FHIT: variants seen among roughly 807,000 people sequenced by gnomAD.
The protein encoded by FHIT is fragile histidine triad diadenosine triphosphatase, also known as bis(5'-adenosyl)-triphosphatase.
A neutral mutation model predicts 17.9 loss-of-function variants in FHIT; 19 were observed. That is an observed-to-expected ratio of 1.06 (90% CI 0.74 to 1.56). The LOEUF (loss-of-function observed/expected upper bound fraction) is 1.56. Ranked by LOEUF, FHIT falls within the 40% of genes most tolerant of loss-of-function variation. The probability of loss-of-function intolerance (pLI) is 0.00; values close to 1 mark genes in which losing one functional copy is unlikely to be tolerated. For missense variants in FHIT, 248 were observed against 189.2 expected, an observed-to-expected ratio of 1.31 and a Z score of -1.82; for synonymous variants, 81 against 69.7, an observed-to-expected ratio of 1.16 and a Z score of -0.81.
chr3:60,078,770 C>A (rs1703144942), intron 5 of FHIT, among the ~76,000 whole-genome samples: 1 of 152,012 alleles, frequency 6.6e-6, no homozygotes, highest in Admixed American at 6.6e-5. Flanking sequence ...TACATTTATA[C>A]ACATATAACA....
At chr3:60,398,826 T>A (rs1184817689) in intron 5 of FHIT, among the ~76,000 whole-genome samples, 1 of 152,056 alleles carries the variant, frequency 6.6e-6, no homozygotes, top group Non-Finnish European at 1.5e-5. Context: ...GGAAAAAAAA[T>A]CTATGTTTTG....
At chr3:60,818,867 A>G (rs2736743) in intron 4 of FHIT, among the ~76,000 whole-genome samples, 129,092 of 152,026 alleles carry the variant, frequency 0.85, 55,664 homozygotes, top group East Asian at 0.95. Flanking sequence ...GCCACCCGAA[A>G]TGACATTAAT....
rs1200506722 is a variant in FHIT, at chr3:60,078,902, C to CT, written c.104-64751dup. ...GGGATTCTTTACATTATGCTTGCAA[C>CT]TTTTTTTTTTTGCAACTCTAAAATT... On this transcript the variant is annotated intron_variant, in intron 5 of 9. Transcript: ENST00000492590. Among the ~76,000 whole-genome samples, 1,440 of 145,732 alleles carry CT rather than the reference C, an allele frequency of 9.9e-3. 25 individuals carry two copies. Among genetic ancestry groups the CT allele is most frequent in the African/African-American group, 0.032 (1,274 of 40,124 alleles).
chr3:59,782,274 GT>G, intron 8 of FHIT, among the ~76,000 whole-genome samples: 1 of 152,042 alleles, frequency 6.6e-6, no homozygotes, highest in East Asian at 1.9e-4. Context: ...TCTAATCAGA[GT>G]TTTTTTTCCC....
At chr3:60,663,432 CTTAT>C (rs1276446071) in intron 4 of FHIT, among the ~76,000 whole-genome samples, 3 of 150,686 alleles carry the variant, frequency 2.0e-5, no homozygotes, top group East Asian at 2.0e-4. Context: ...TTTTTATTTA[CTTAT>C]TTATTTATTT....
chr3:60,358,226 A>G (rs1699754995), intron 5 of FHIT, among the ~76,000 whole-genome samples: 3 of 152,252 alleles, frequency 2.0e-5, no homozygotes, highest in Non-Finnish European at 4.4e-5. Context: ...GACATAAAAT[A>G]GATTAAAATA....
At chr3:60,556,182 C>A (rs138693604) in intron 4 of FHIT, among the ~76,000 whole-genome samples, 4 of 152,252 alleles carry the variant, frequency 2.6e-5, no homozygotes, top group Non-Finnish European at 1.5e-5. Flanking sequence ...CGTCTATATA[C>A]AGACCTTCCT....
intron 8 of FHIT, among the ~76,000 whole-genome samples, chr3:59,849,232 G>C (rs1701838174): frequency 1.3e-5 from 2 of 152,100 alleles, no homozygotes; most frequent in Non-Finnish European, 2.9e-5. Context: ...AATTAGACAG[G>C]TGTTGTGGTG....
intron 5 of FHIT, among the ~76,000 whole-genome samples, chr3:60,306,176 A>G (rs1250429744): frequency 1.3e-5 from 2 of 152,158 alleles, no homozygotes; most frequent in Non-Finnish European, 2.9e-5. Flanking sequence ...AATTTTATTA[A>G]CTCCAGATTC....
chr3:59,995,019 G>A (rs1474809974), intron 7 of FHIT, among the ~76,000 whole-genome samples: 3 of 151,976 alleles, frequency 2.0e-5, no homozygotes, highest in African/African-American at 7.2e-5. Context: ...GGCTCTGCTA[G>A]AGCAGCAAAG....
At chr3:60,055,252 C>T (rs1702034980) in intron 5 of FHIT, among the ~76,000 whole-genome samples, 3 of 152,088 alleles carry the variant, frequency 2.0e-5, no homozygotes, top group South Asian at 4.1e-4. Context: ...TCAACTCCAG[C>T]TTGCAGTACA....
At chr3:61,001,533 G>A (rs2031082191) in intron 3 of FHIT, among the ~76,000 whole-genome samples, 2 of 152,174 alleles carry the variant, frequency 1.3e-5, no homozygotes, top group African/African-American at 2.4e-5. Context: ...ATTATGCTAA[G>A]TAAAAATTAA....
In FHIT at chr3:60,199,526, C is replaced by T. The variant is rs559361472; in HGVS notation, c.104-185374G>A. On this transcript the variant is annotated intron_variant, in intron 5 of 9. Coordinates refer to ENST00000492590, the MANE Select transcript of FHIT (RefSeq NM_002012.4). ...GGAATGTTCCAAATGTCATGTCTTC[C>T]CAGCTTTGTGTGGGTGGTGGGAAAA... Among the ~76,000 whole-genome samples the T allele has an allele frequency of 2.0e-5, 3 of 152,050 alleles. No homozygotes were observed. The South Asian group carries it at 6.2e-4, about 32-fold the overall frequency.
chr3:60,884,048 CA>C (rs1298422116), intron 3 of FHIT, among the ~76,000 whole-genome samples: 1 of 152,080 alleles, frequency 6.6e-6, no homozygotes, highest in East Asian at 1.9e-4. Flanking sequence ...TTAAACTGGG[CA>C]AAAGACCTGA....
intron 5 of FHIT, among the ~76,000 whole-genome samples, chr3:60,140,239 G>C (rs1251296461): frequency 1.3e-5 from 2 of 151,998 alleles, no homozygotes; most frequent in Admixed American, 6.6e-5. Flanking sequence ...TCTGTTAACT[G>C]AACCACCATT....
intron 3 of FHIT, among the ~76,000 whole-genome samples, chr3:60,955,610 A>ATATATATACATATGTATATATATATATG (rs1709092706): frequency 1.5e-4 from 2 of 13,118 alleles, no homozygotes; most frequent in Non-Finnish European, 3.6e-4. Flanking sequence ...ATATATATAT[A>ATATATATACATATGTATATATATATATG]TATATATATA....
intron 5 of FHIT, among the ~76,000 whole-genome samples, chr3:60,443,641 T>C (rs1276779803): frequency 6.6e-6 from 1 of 152,156 alleles, no homozygotes; most frequent in East Asian, 1.9e-4. Context: ...TCATGGTGGA[T>C]AAGCTTTTTG....
At chr3:60,238,518 G>C (rs1343378279) in intron 5 of FHIT, among the ~76,000 whole-genome samples, 1 of 146,480 alleles carries the variant, frequency 6.8e-6, no homozygotes, top group African/African-American at 2.5e-5. Context: ...ATGCTGAAAA[G>C]CATAAAATAA....
intron 8 of FHIT, among the ~76,000 whole-genome samples, chr3:59,904,347 G>A (rs554085883): frequency 5.3e-5 from 8 of 151,356 alleles, no homozygotes; most frequent in South Asian, 2.1e-4. Flanking sequence ...AGGAAGGAGC[G>A]AGGGAAGGTG....
Sources: allele counts gnomAD v4.1 joint callset (sites outside exome capture counted in the v4.1 genomes callset), GRCh38; gene constraint gnomAD v4.1.1; transcripts MANE v1.5; gene names NCBI Gene and HGNC (gene_info 2026-07-23, HGNC 2026-07-21).